CACNG5: variants seen among roughly 807,000 people sequenced by gnomAD.
CACNG5 encodes the protein voltage-dependent calcium channel gamma-5 subunit.
A neutral mutation model predicts 24.8 loss-of-function variants in CACNG5; 18 were observed. That is an observed-to-expected ratio of 0.73 (90% CI 0.50 to 1.08). The LOEUF is 1.08. Ranked by LOEUF, CACNG5 falls within the 50% of genes least tolerant of loss-of-function variation. The pLI, the probability that CACNG5 is intolerant of heterozygous loss-of-function variation, is 0.00. For synonymous variants in CACNG5, 157 were observed against 149.1 expected (o/e 1.05, Z -0.39); for missense variants, 349 against 367.9 (o/e 0.95, Z 0.42).
At chr17:66,842,791 G>A (rs191311213) in intron 1 of CACNG5, among the ~76,000 whole-genome samples, 8 of 152,298 alleles carry the variant, frequency 5.3e-5, no homozygotes, top group Admixed American at 3.3e-4. Flanking sequence ...GGCTGGCTAC[G>A]TTGGGTGTTC....
In CACNG5 at chr17:66,892,381, C is replaced by T. The variant is rs1438103070; in HGVS notation, c.*7141C>T. Among the ~76,000 whole-genome samples the T allele has an allele frequency of 2.0e-5, 3 of 152,238 alleles. No homozygotes were observed. Among genetic ancestry groups the T allele is most frequent in the African/African-American group, 7.2e-5 (3 of 41,474 alleles). On this transcript the variant is annotated 3_prime_UTR_variant, in exon 6 of 6. Transcript: ENST00000533854. ...AGGATAGAGAACATTCTGGAGCCAA[C>T]GTGTTCTCCAGCCCACTGTCAGGGC...
chr17:66,879,045 G>C lies in CACNG5; in HGVS notation c.270G>C (p.Thr90=), dbSNP rs144101002. The change falls in exon 3 of 6, where the codon ACG becomes ACC. Residue 90 remains threonine (T), a synonymous_variant. Coordinates refer to ENST00000533854, the MANE Select transcript of CACNG5 (RefSeq NM_145811.3). ...PMNTQLTSES[T]VNVLKMIRSA... Reference sequence around the variant, plus strand: ...ACACCCAGCTGACATCCGAGTCCACGGTCAATGTTCTAAGTAAGTGCCTTG... The same window carrying C: ...ACACCCAGCTGACATCCGAGTCCACCGTCAATGTTCTAAGTAAGTGCCTTG... 3.1e-6 allele frequency: 5 copies of C among 1,613,766 alleles called. No homozygotes were observed. In the African/African-American group the frequency reaches 4.0e-5, roughly 13 times the overall value.
At chr17:66,844,081 G>A (rs1161278590) in intron 1 of CACNG5, among the ~76,000 whole-genome samples, 2 of 152,160 alleles carry the variant, frequency 1.3e-5, no homozygotes, top group Non-Finnish European at 2.9e-5. Flanking sequence ...TGGGTCACCG[G>A]TGTTCTCTGA....
intron 1 of CACNG5, among the ~76,000 whole-genome samples, chr17:66,869,712 G>T (rs992249282): frequency 2.0e-5 from 3 of 152,184 alleles, no homozygotes; most frequent in Admixed American, 2.0e-4. Flanking sequence ...ATCACATCTA[G>T]GTAGTGAGAA....
rs920248640 is a variant in CACNG5 at position 66,886,972 on chromosome 17, A to T, written c.*1732A>T. 6.6e-6 allele frequency among the ~76,000 whole-genome samples: 1 copy of T among 152,132 alleles called. No individual in the cohort carries two copies. Among genetic ancestry groups the T allele is most frequent in the Non-Finnish European group, 1.5e-5 (1 of 68,014 alleles). On this transcript the variant is annotated 3_prime_UTR_variant, in exon 6 of 6. Coordinates refer to ENST00000533854, the MANE Select transcript of CACNG5 (RefSeq NM_145811.3). ...GTCCACATTCCCTCTCCTGGTGTCC[A>T]AGGACACCAGTCAGATTGGATTCGG...
rs1398286380 is a variant in CACNG5 at position 66,891,877 on chromosome 17, C to A, written c.*6637C>A. On this transcript the variant is annotated 3_prime_UTR_variant, in exon 6 of 6. Coordinates refer to ENST00000533854, the MANE Select transcript of CACNG5 (RefSeq NM_145811.3). ...ATTCTGAAGTTACTCTGGGGTGGGACCTGAGGGTCTGTTTCTCTTAAAAGC... is the reference window on the plus strand; with the variant it reads ...ATTCTGAAGTTACTCTGGGGTGGGAACTGAGGGTCTGTTTCTCTTAAAAGC... 2.0e-5 allele frequency among the ~76,000 whole-genome samples: 3 copies of A among 152,144 alleles called. No individual in the cohort carries two copies. The highest frequency in any genetic ancestry group is 2.9e-5 in the Non-Finnish European group (2 of 68,028).
chr17:66,877,431 G>A lies in CACNG5; in HGVS notation c.99G>A (p.Trp33Ter). The A allele has an allele frequency of 6.2e-7, 1 of 1,614,142 alleles. No individual in the cohort carries two copies. The highest frequency in any genetic ancestry group is 1.1e-5 in the South Asian group (1 of 91,066). Residue 33 changes from tryptophan (W) to a stop codon, truncating the protein, a stop_gained, in exon 2 of 6, where the codon TGG becomes TGA. Transcript: ENST00000533854. LOFTEE classifies it high-confidence loss of function. ...GTATCGCGGTCAGCACCGACTACTG[G>A]CTGTACCTGGAGGAGGGTGTGATTG... ...LLGIAVSTDY[W>*]LYLEEGVIVP...
rs58677856 is a variant in CACNG5 at position 66,887,016 on chromosome 17, G to C, written c.*1776G>C. 0.24 allele frequency among the ~76,000 whole-genome samples: 36,120 copies of C among 152,002 alleles called. 4,429 individuals are homozygous for C. Among genetic ancestry groups the C allele is most frequent in the Middle Eastern group, 0.34 (100 of 294 alleles). ...GATTCGGGTCCATCCCCGATTAATT[G>C]GTGGTTAATTTTCATGAAATAACCT... On this transcript the variant is annotated 3_prime_UTR_variant, in exon 6 of 6. Coordinates refer to ENST00000533854, the MANE Select transcript of CACNG5 (RefSeq NM_145811.3).
At chr17:66,841,287 GA>G (rs1976564315) in intron 1 of CACNG5, among the ~76,000 whole-genome samples, 2 of 152,338 alleles carry the variant, frequency 1.3e-5, no homozygotes, top group Admixed American at 1.3e-4. Context: ...CGTTCCAAAA[GA>G]GGCAATCAGA....
chr17:66,859,572 G>A (rs1671627665), intron 1 of CACNG5, among the ~76,000 whole-genome samples: 1 of 152,118 alleles, frequency 6.6e-6, no homozygotes, highest in Admixed American at 6.5e-5. Context: ...TTCTCTTGAG[G>A]GGCGTGTCTT....
intron 4 of CACNG5, among the ~76,000 whole-genome samples, chr17:66,882,112 G>A (rs552864164): frequency 5.9e-5 from 9 of 152,224 alleles, no homozygotes; most frequent in East Asian, 1.9e-4. Flanking sequence ...TAGTAGAGGC[G>A]ATGGCCCAAA....
rs563695213 is a variant in CACNG5 at position 66,891,308 on chromosome 17, G to C, written c.*6068G>C. Reference sequence around the variant, plus strand: ...CCAGTTTATTAATATACAAGCAATTGCCCCAAAATTTAGTAGCTTAAGACA... The same window carrying C: ...CCAGTTTATTAATATACAAGCAATTCCCCCAAAATTTAGTAGCTTAAGACA... On this transcript the variant is annotated 3_prime_UTR_variant, in exon 6 of 6. Coordinates refer to ENST00000533854, the MANE Select transcript of CACNG5 (RefSeq NM_145811.3). Among the ~76,000 whole-genome samples, 4 of 152,218 alleles carry C rather than the reference G, an allele frequency of 2.6e-5. No individual in the cohort carries two copies. The South Asian group carries it at 8.3e-4, about 32-fold the overall frequency.
In CACNG5 at chr17:66,894,329, G is replaced by C. The variant is rs532036216; in HGVS notation, c.*9089G>C. Reference sequence around the variant, plus strand: ...TGGTGGGCTTTTTTGCCTGGATTGGGGGAAGAAAAAGTGATGGGGAAAATG... The same window carrying C: ...TGGTGGGCTTTTTTGCCTGGATTGGCGGAAGAAAAAGTGATGGGGAAAATG... On this transcript the variant is annotated 3_prime_UTR_variant, in exon 6 of 6. Transcript: ENST00000533854. Among the ~76,000 whole-genome samples the C allele has an allele frequency of 1.6e-3, 237 of 152,118 alleles. 1 individual carries two copies. Among genetic ancestry groups the C allele is most frequent in the African/African-American group, 5.6e-3 (231 of 41,498 alleles).
intron 1 of CACNG5, among the ~76,000 whole-genome samples, chr17:66,865,337 T>C (rs920831325): frequency 1.3e-5 from 2 of 151,972 alleles, no homozygotes; most frequent in East Asian, 1.9e-4. Context: ...GTGGTGATGA[T>C]GCACCCCAGA....
At chr17:66,878,858 C>A in intron 2 of CACNG5, 114 bp from the exon 3 acceptor site, 1 of 856,332 alleles carries the variant, frequency 1.2e-6, no homozygotes, top group Non-Finnish European at 1.9e-6. Flanking sequence ...AGCTCAGGTG[C>A]AAAGACACAG....
intron 4 of CACNG5, among the ~76,000 whole-genome samples, chr17:66,881,342 T>C (rs1977155507): frequency 6.6e-6 from 1 of 152,182 alleles, no homozygotes; most frequent in South Asian, 2.1e-4. Context: ...GAAGGGGCTA[T>C]GTCTTCATAT....
intron 4 of CACNG5, among the ~76,000 whole-genome samples, chr17:66,884,063 C>G (rs952426538): frequency 6.6e-6 from 1 of 150,428 alleles, no homozygotes; most frequent in African/African-American, 2.5e-5. Flanking sequence ...ACCCGGGAGG[C>G]AGAGGTTGCA....
chr17:66,883,194 T>A (rs1242994142), intron 4 of CACNG5, among the ~76,000 whole-genome samples: 1 of 152,192 alleles, frequency 6.6e-6, no homozygotes, highest in Non-Finnish European at 1.5e-5. Context: ...AGGTACAGAC[T>A]CAGGGTTAGT....
chr17:66,878,685 C>T (rs534340920), intron 2 of CACNG5, among the ~76,000 whole-genome samples: 33 of 152,318 alleles, frequency 2.2e-4, no homozygotes, highest in African/African-American at 7.5e-4. Context: ...GATGTTCACT[C>T]AGCATGGAGA....
Sources: gnomAD v4.1 joint callset for allele counts (sites outside exome capture counted in the v4.1 genomes callset) on GRCh38, gnomAD v4.1.1 for gene constraint, MANE v1.5 for transcripts, NCBI Gene and HGNC (gene_info 2026-07-23, HGNC 2026-07-21) for gene names.